TAFA2: variants seen among roughly 807,000 people sequenced by gnomAD.
TAFA2 encodes TAFA chemokine like family member 2.
TAFA2 carries 7 observed loss-of-function variants against 18.8 expected under a neutral mutation model. The ratio of observed to expected loss-of-function variants is 0.37; its 90% CI spans 0.21 to 0.70. TAFA2 has a LOEUF of 0.70. TAFA2 is among the 30% of genes least tolerant of loss of function. The probability of loss-of-function intolerance (pLI) is 0.53; values close to 1 mark genes in which losing one functional copy is unlikely to be tolerated. For synonymous variants in TAFA2, 60 were observed against 54.2 expected (o/e 1.11, Z -0.47); for missense variants, 122 against 158.1 (o/e 0.77, Z 1.23).
chr12:61,941,167 A>G (rs554426962), intron 1 of TAFA2, among the ~76,000 whole-genome samples: 21 of 152,212 alleles, frequency 1.4e-4, no homozygotes, highest in Non-Finnish European at 2.4e-4. Flanking sequence ...TATTGTTACC[A>G]TAAACAGCAC....
At chr12:62,176,300 G>A (rs1394916094) in intron 1 of TAFA2, among the ~76,000 whole-genome samples, 1 of 152,104 alleles carries the variant, frequency 6.6e-6, no homozygotes. Flanking sequence ...TTAAAAGATT[G>A]CATTGTTCAT....
chr12:61,753,292 A>G (rs1009804510), intron 4 of TAFA2, among the ~76,000 whole-genome samples: 3 of 152,072 alleles, frequency 2.0e-5, no homozygotes, highest in African/African-American at 7.2e-5. Flanking sequence ...TACATTAGAA[A>G]AATAAAGGAT....
intron 2 of TAFA2, among the ~76,000 whole-genome samples, chr12:61,829,215 C>A (rs906402764): frequency 1.3e-5 from 2 of 151,660 alleles, no homozygotes; most frequent in Non-Finnish European, 3.0e-5. Flanking sequence ...TGAAGTTTGG[C>A]TCCAACCTTG....
chr12:61,793,034 T>C (rs1871047906), intron 2 of TAFA2, among the ~76,000 whole-genome samples: 1 of 151,516 alleles, frequency 6.6e-6, no homozygotes, highest in Non-Finnish European at 1.5e-5. Context: ...GTGAAATACG[T>C]TATAGAAAGG....
chr12:61,996,694 T>A (rs1880200449), intron 1 of TAFA2, among the ~76,000 whole-genome samples: 1 of 152,142 alleles, frequency 6.6e-6, no homozygotes, highest in Non-Finnish European at 1.5e-5. Context: ...CCTCTTTCTC[T>A]CTTCCAAGCA....
intron 4 of TAFA2, among the ~76,000 whole-genome samples, chr12:61,737,244 TC>T (rs1274287873): frequency 6.6e-6 from 1 of 151,976 alleles, no homozygotes; most frequent in Non-Finnish European, 1.5e-5. Flanking sequence ...TAAGTTTTTT[TC>T]TATTACATTT....
chr12:61,888,085 T>C (rs914774484), intron 1 of TAFA2, among the ~76,000 whole-genome samples: 5 of 151,750 alleles, frequency 3.3e-5, no homozygotes, highest in African/African-American at 1.2e-4. Flanking sequence ...AAACAACAGG[T>C]GCTGGAGAGG....
intron 1 of TAFA2, among the ~76,000 whole-genome samples, chr12:62,165,955 A>T (rs1057313606): frequency 6.6e-6 from 1 of 151,340 alleles, no homozygotes; most frequent in African/African-American, 2.4e-5. Context: ...ACACACACAC[A>T]CACACACACA....
intron 2 of TAFA2, among the ~76,000 whole-genome samples, chr12:61,805,669 T>C (rs1172053778): frequency 2.0e-5 from 3 of 152,116 alleles, no homozygotes; most frequent in Non-Finnish European, 4.4e-5. Context: ...ATTTCCAGAA[T>C]GAATATATAC....
At chr12:61,990,357 T>TTTTTTTTTA (rs1879961613) in intron 1 of TAFA2, among the ~76,000 whole-genome samples, 1 of 149,756 alleles carries the variant, frequency 6.7e-6, no homozygotes. Flanking sequence ...TTTTTTTTTT[T>TTTTTTTTTA]GAGGCAGAGT....
At chr12:61,739,460 A>G (rs1868363697) in intron 4 of TAFA2, among the ~76,000 whole-genome samples, 1 of 152,096 alleles carries the variant, frequency 6.6e-6, no homozygotes, top group South Asian at 2.1e-4. Context: ...ATCTGTAGAC[A>G]TTTTTAATCA....
At chr12:61,881,891 T>C (rs951006397) in intron 1 of TAFA2, among the ~76,000 whole-genome samples, 2 of 151,630 alleles carry the variant, frequency 1.3e-5, no homozygotes, top group African/African-American at 4.9e-5. Context: ...TTTCTACTCA[T>C]GGACTGTGTA....
At chr12:61,909,766 C>T (rs946907981) in intron 1 of TAFA2, among the ~76,000 whole-genome samples, 1 of 152,074 alleles carries the variant, frequency 6.6e-6, no homozygotes, top group Non-Finnish European at 1.5e-5. Flanking sequence ...TAAGAGGCAC[C>T]ACAAACCTGT....
At chr12:61,740,342 A>ATC (rs1295965514) in intron 4 of TAFA2, among the ~76,000 whole-genome samples, 4 of 151,952 alleles carry the variant, frequency 2.6e-5, no homozygotes, top group African/African-American at 9.7e-5. Flanking sequence ...CAGAGTTGGG[A>ATC]GGCAAGGGGT....
chr12:61,743,116 A>G (rs990525511), intron 4 of TAFA2, among the ~76,000 whole-genome samples: 2 of 151,996 alleles, frequency 1.3e-5, no homozygotes, highest in African/African-American at 4.8e-5. Context: ...TCCTCATTAC[A>G]TACTTCCCCT....
intron 1 of TAFA2, among the ~76,000 whole-genome samples, chr12:62,074,938 G>A (rs764131973): frequency 6.6e-6 from 1 of 152,094 alleles, no homozygotes; most frequent in Non-Finnish European, 1.5e-5. Flanking sequence ...CTGGCCTCAA[G>A]TGATCTGCCT....
chr12:62,083,723 A>AT (rs952886858), intron 1 of TAFA2, among the ~76,000 whole-genome samples: 70 of 150,032 alleles, frequency 4.7e-4, no homozygotes, highest in South Asian at 1.7e-3. Context: ...TTTTAAATAT[A>AT]TTTTTTTTTG....
chr12:62,146,995 AC>A (rs2062286047), intron 1 of TAFA2, among the ~76,000 whole-genome samples: 1 of 151,946 alleles, frequency 6.6e-6, no homozygotes, highest in Middle Eastern at 3.4e-3. Flanking sequence ...CAGAATGGAG[AC>A]CCCTGAAATA....
intron 1 of TAFA2, among the ~76,000 whole-genome samples, chr12:62,151,169 ATTC>A (rs1244586587): frequency 6.6e-6 from 1 of 152,210 alleles, no homozygotes; most frequent in Admixed American, 6.5e-5. Context: ...CAGGAAGGGT[ATTC>A]TTCTTGCCCT....
Sources: allele counts gnomAD v4.1 joint callset (sites outside exome capture counted in the v4.1 genomes callset), GRCh38; gene constraint gnomAD v4.1.1; transcripts MANE v1.5; gene names NCBI Gene and HGNC (gene_info 2026-07-23, HGNC 2026-07-21).